IQSEC1: variants seen among roughly 807,000 people sequenced by gnomAD.
The protein encoded by IQSEC1 is IQ motif and Sec7 domain ArfGEF 1.
IQSEC1 carries 31 observed loss-of-function variants against 91.0 expected under a neutral mutation model. That is an observed-to-expected ratio of 0.34 (90% confidence interval 0.26 to 0.46). The LOEUF (loss-of-function observed/expected upper bound fraction) is 0.46. IQSEC1 is among the 20% of genes least tolerant of loss of function. IQSEC1 has a pLI of 1.00. For missense variants in IQSEC1, 1,388 were observed against 1,575.6 expected (o/e 0.88, Z 2.02); for synonymous variants, 699 against 662.6 (o/e 1.05, Z -0.84).
intron 2 of IQSEC1, among the ~76,000 whole-genome samples, chr3:13,089,615 C>G (rs12487253): frequency 6.6e-6 from 1 of 151,904 alleles, no homozygotes; most frequent in Non-Finnish European, 1.5e-5. Context: ...AATGAAGTAC[C>G]GATATATGTG....
At chr3:13,224,854 C>T (rs1323684935) in intron 1 of IQSEC1, among the ~76,000 whole-genome samples, 1 of 152,214 alleles carries the variant, frequency 6.6e-6, no homozygotes, top group East Asian at 1.9e-4. Flanking sequence ...CTCATGCCCC[C>T]CAGAAGCCAG....
At chr3:13,065,495 A>G (rs962124799) in intron 1 of IQSEC1, among the ~76,000 whole-genome samples, 9 of 152,194 alleles carry the variant, frequency 5.9e-5, no homozygotes, top group Admixed American at 4.6e-4. Context: ...TTCATCACTC[A>G]CACTTTTATT....
rs144414791 is a variant in IQSEC1 at position 12,940,861 on chromosome 3, G to T, written c.318+710C>A. Among the ~76,000 whole-genome samples the T allele has an allele frequency of 6.6e-6, 1 of 152,304 alleles. No individual in the cohort carries two copies. Among genetic ancestry groups the T allele is most frequent in the Non-Finnish European group, 1.5e-5 (1 of 68,004 alleles). ...AGAGCTCTTGGCCTCCCCAGGGACC[G>T]CTCAGGGCCTCGCTCTTTCCTCTGC... is the stretch of plus-strand genomic sequence containing the variant. On this transcript the variant is annotated intron_variant, in intron 2 of 13. Coordinates refer to ENST00000613206, the MANE Select transcript of IQSEC1 (RefSeq NM_001134382.3). The surrounding 1 kb of genome is among the most constrained non-coding windows in gnomAD (Gnocchi z 4.4).
chr3:13,132,264 A>G (rs80275501), intron 2 of IQSEC1, among the ~76,000 whole-genome samples: 1,566 of 152,306 alleles, frequency 0.01, 16 homozygotes, highest in Non-Finnish European at 0.018. Context: ...AGACTTTGAG[A>G]ATGCTTTAAC....
chr3:13,043,804 G>A (rs1024713744), intron 1 of IQSEC1, among the ~76,000 whole-genome samples: 9 of 152,176 alleles, frequency 5.9e-5, no homozygotes, highest in Non-Finnish European at 1.5e-5. Context: ...CACCCCCTCT[G>A]GCCGCTTTGG....
At chr3:13,225,202 CCCAA>C (rs1186291430) in intron 1 of IQSEC1, among the ~76,000 whole-genome samples, 1 of 152,258 alleles carries the variant, frequency 6.6e-6, no homozygotes, top group Non-Finnish European at 1.5e-5. Context: ...AGTTGTATAA[CCCAA>C]TGGGGCATGA....
chr3:13,029,080 CTA>C (rs1364849742), intron 1 of IQSEC1, among the ~76,000 whole-genome samples: 1 of 152,200 alleles, frequency 6.6e-6, no homozygotes, highest in Non-Finnish European at 1.5e-5. Flanking sequence ...CTGTGTAAAG[CTA>C]TATAGAAGAT....
intron 1 of IQSEC1, among the ~76,000 whole-genome samples, chr3:13,042,865 G>C (rs1704335698): frequency 6.6e-6 from 1 of 152,196 alleles, no homozygotes; most frequent in African/African-American, 2.4e-5. Flanking sequence ...AAGACCCAGG[G>C]AGAGCAGGTA....
intron 1 of IQSEC1, among the ~76,000 whole-genome samples, chr3:12,997,094 G>A (rs1234564331): frequency 6.6e-6 from 1 of 152,248 alleles, no homozygotes; most frequent in Non-Finnish European, 1.5e-5. Flanking sequence ...TCCAGCAGTA[G>A]GAGAGGGAGT....
At chr3:12,902,654 ACAACAAAAAAAAAACC>A in intron 13 of IQSEC1, 103 bp downstream of exon 13, 4 of 599,746 alleles carry the variant, frequency 6.7e-6, no homozygotes, top group South Asian at 3.7e-5. Flanking sequence ...AAAAAAAAAA[ACAACAAAAAAAAAACC>A]AAAAAAAAAA....
intron 1 of IQSEC1, among the ~76,000 whole-genome samples, chr3:13,007,205 G>A (rs1702673556): frequency 6.6e-6 from 1 of 152,240 alleles, no homozygotes; most frequent in African/African-American, 2.4e-5. Flanking sequence ...AGAGCCCAAG[G>A]CACTTAGGGT....
chr3:12,996,879 G>A (rs758664440), intron 1 of IQSEC1, among the ~76,000 whole-genome samples: 1 of 152,174 alleles, frequency 6.6e-6, no homozygotes, highest in African/African-American at 2.4e-5. Context: ...TGGCAAAAAC[G>A]AATAAGTTTG....
At chr3:13,173,153 T>C (rs1015420417) in intron 1 of IQSEC1, among the ~76,000 whole-genome samples, 1 of 152,246 alleles carries the variant, frequency 6.6e-6, no homozygotes, top group African/African-American at 2.4e-5. Context: ...CCAAGGACTT[T>C]AGGATTCACC....
intron 2 of IQSEC1, among the ~76,000 whole-genome samples, chr3:13,149,622 C>T (rs1186000383): frequency 1.3e-5 from 2 of 152,070 alleles, no homozygotes; most frequent in Admixed American, 1.3e-4. Context: ...AGCTGTAGGA[C>T]GTGATGGGAG....
At chr3:13,162,279 A>T (rs1707192761) in intron 2 of IQSEC1, among the ~76,000 whole-genome samples, 4 of 152,024 alleles carry the variant, frequency 2.6e-5, no homozygotes, top group African/African-American at 9.7e-5. Context: ...CCTTGGGGGG[A>T]TTGGGGGAAG....
At chr3:13,136,529 C>T (rs1044153496) in intron 2 of IQSEC1, among the ~76,000 whole-genome samples, 32 of 152,210 alleles carry the variant, frequency 2.1e-4, no homozygotes, top group African/African-American at 6.5e-4. Context: ...CTGGAATAAG[C>T]GAGACCTACA....
At chr3:13,151,724 G>A (rs1707002939) in intron 2 of IQSEC1, among the ~76,000 whole-genome samples, 1 of 152,350 alleles carries the variant, frequency 6.6e-6, no homozygotes, top group Admixed American at 6.5e-5. Flanking sequence ...CCAGCACTTT[G>A]GGAGGCCGAG....
intron 1 of IQSEC1, among the ~76,000 whole-genome samples, chr3:12,954,014 G>A (rs913218950): frequency 3.9e-5 from 6 of 152,254 alleles, no homozygotes; most frequent in Non-Finnish European, 8.8e-5. Flanking sequence ...TCATCAGCGC[G>A]TAGTCGGGTG....
chr3:12,955,341 G>T (rs770568733), intron 1 of IQSEC1, among the ~76,000 whole-genome samples: 1 of 152,260 alleles, frequency 6.6e-6, no homozygotes, highest in Non-Finnish European at 1.5e-5. Context: ...GCCGGGCTGG[G>T]CCGGGCATTG....
Sources: gnomAD v4.1 joint callset for allele counts (sites outside exome capture counted in the v4.1 genomes callset) on GRCh38, gnomAD v4.1.1 for gene constraint, Gnocchi (gnomAD v3.1) non-coding constraint, MANE v1.5 for transcripts, NCBI Gene and HGNC (gene_info 2026-07-23, HGNC 2026-07-21) for gene names.